The following C1GALT1 variants were observed in gnomAD, a reference collection of about 807,000 sequenced individuals.
The protein encoded by C1GALT1 is glycoprotein-N-acetylgalactosamine 3-beta-galactosyltransferase 1.
In C1GALT1, 11 loss-of-function variants were observed where a neutral mutation model predicts 31.0. The observed-to-expected ratio is 0.36, with a 90% CI of 0.22 to 0.59. The LOEUF is 0.59. C1GALT1 is among the 20% of genes least tolerant of loss of function. C1GALT1 has a pLI of 0.79. For synonymous variants in C1GALT1, 175 were observed against 143.6 expected, an observed-to-expected ratio of 1.22 and a Z score of -1.56; for missense variants, 424 against 425.2, an observed-to-expected ratio of 1.00 and a Z score of 0.03.
intron 1 of C1GALT1, among the ~76,000 whole-genome samples, chr7:7,231,997 T>C (rs2128247699): frequency 6.6e-6 from 1 of 152,350 alleles, no homozygotes; most frequent in South Asian, 2.1e-4. Context: ...GATAAGAGCA[T>C]AGGTGTTTTT....
intron 1 of C1GALT1, among the ~76,000 whole-genome samples, chr7:7,201,600 C>G (rs576702656): frequency 1.3e-5 from 2 of 152,118 alleles, no homozygotes. Flanking sequence ...ACCAGGGAAG[C>G]GGGGGAAAGC....
At chr7:7,217,386 C>T (rs1782295451) in intron 1 of C1GALT1, among the ~76,000 whole-genome samples, 1 of 151,598 alleles carries the variant, frequency 6.6e-6, no homozygotes, top group Non-Finnish European at 1.5e-5. Context: ...TTTTAAGAGA[C>T]ATGGTCTTGC....
At position 7,248,367 on chromosome 7, in the gene C1GALT1, A is replaced by G. The variant is rs1783930470; in HGVS notation, c.*4640A>G. The G allele has an allele frequency of 6.6e-6, 1 of 152,022 alleles. No homozygotes were observed. 9.4% of individuals were successfully genotyped at this position (152,022 alleles called of 1,614,324 possible). The stretch of plus-strand genomic sequence containing the variant: ...ATTAATAATCTACATGAAGTATATT[A>G]TTAGAGGGAAACTAATCTTACTGCT... On this transcript the variant is annotated 3_prime_UTR_variant, in exon 4 of 4. Transcript: ENST00000436587.
chr7:7,182,783 C>A lies in C1GALT1; in HGVS notation c.-55C>A. ...GTCCCAAGTCGTCCCCCTCTCCGCC[C>A]CCCAGGAGGGGCGAGAGGGAGCCGC... On this transcript the variant is annotated 5_prime_UTR_variant, in exon 1 of 4. Transcript: ENST00000436587. 1.0e-6 allele frequency: 1 copy of A among 985,536 alleles called. No homozygotes were observed. Among genetic ancestry groups the A allele is most frequent in the Non-Finnish European group, 1.2e-6 (1 of 830,018 alleles). The allele number at this position is 985,536 out of a possible 1,614,324, so 61.0% of individuals were successfully genotyped here.
At chr7:7,157,503 T>C (rs1025107087) in intron 2 of C1GALT1, 2 of 152,234 alleles carry the variant, frequency 1.3e-5, no homozygotes, top group African/African-American at 4.8e-5. Context: ...ATTAAGAAAC[T>C]GTACACCATA....
Position 7,197,606 on chromosome 7 carries a change from G to A in C1GALT1, c.-18+14786G>A, listed in dbSNP as rs1028779596. ...AGTCATTGGTAGCTTGATGGGGATG[G>A]CATTGAATCTATAAATTACCTTGGG... On this transcript the variant is annotated intron_variant, in intron 1 of 3. Coordinates refer to ENST00000436587, the MANE Select transcript of C1GALT1 (RefSeq NM_020156.5). 1.5e-3 allele frequency among the ~76,000 whole-genome samples: 225 copies of A among 152,050 alleles called. 6 individuals carry two copies. Among genetic ancestry groups the A allele is most frequent in the Non-Finnish European group, 4.1e-4 (28 of 68,006 alleles).
chr7:7,224,056 G>A (rs1302210591), intron 1 of C1GALT1, among the ~76,000 whole-genome samples: 1 of 152,058 alleles, frequency 6.6e-6, no homozygotes, highest in Non-Finnish European at 1.5e-5. Flanking sequence ...AGGATGAATC[G>A]TGTTGATTTT....
chr7:7,217,771 C>T lies in C1GALT1; in HGVS notation c.-17-16532C>T, dbSNP rs771501038. On this transcript the variant is annotated intron_variant, in intron 1 of 3. Transcript: ENST00000436587. Reference sequence around the variant, plus strand: ...TCATTGCAGCCTTGTCCTGAGCTCACGTGATACTCCCACCTTGGCCTCCTA... The same window carrying T: ...TCATTGCAGCCTTGTCCTGAGCTCATGTGATACTCCCACCTTGGCCTCCTA... Among the ~76,000 whole-genome samples the T allele has an allele frequency of 1.3e-4, 20 of 152,128 alleles. 1 individual carries two copies. The South Asian group carries it at 1.7e-3, about 13-fold the overall frequency.
intron 1 of C1GALT1, among the ~76,000 whole-genome samples, chr7:7,204,404 A>G (rs1781651046): frequency 6.6e-6 from 1 of 152,000 alleles, no homozygotes; most frequent in Non-Finnish European, 1.5e-5. Context: ...CTGTGAAACT[A>G]TTAGCAATGC....
chr7:7,188,693 A>G (rs1780927606), intron 1 of C1GALT1, among the ~76,000 whole-genome samples: 1 of 152,208 alleles, frequency 6.6e-6, no homozygotes, highest in Admixed American at 6.5e-5. Flanking sequence ...AGATTTTAAA[A>G]TATATACAGA....
intron 1 of C1GALT1, among the ~76,000 whole-genome samples, chr7:7,233,398 C>T (rs990330420): frequency 6.6e-6 from 1 of 152,078 alleles, no homozygotes; most frequent in African/African-American, 2.4e-5. Flanking sequence ...CCAATTCTTC[C>T]CAAGTATTCA....
At chr7:7,190,157 G>A (rs1026135255) in intron 1 of C1GALT1, among the ~76,000 whole-genome samples, 12 of 152,270 alleles carry the variant, frequency 7.9e-5, no homozygotes, top group African/African-American at 2.4e-4. Context: ...GAAGGAACCA[G>A]GGTTATTATA....
upstream of C1GALT1, among the ~76,000 whole-genome samples, chr7:7,177,548 AGC>A (rs1780517792): frequency 7.0e-6 from 1 of 142,848 alleles, no homozygotes; most frequent in Non-Finnish European, 1.6e-5. Flanking sequence ...AAGAAAAAGG[AGC>A]CAGTGATAAT....
At chr7:7,191,573 A>G (rs1280487077) in intron 1 of C1GALT1, among the ~76,000 whole-genome samples, 2 of 152,124 alleles carry the variant, frequency 1.3e-5, no homozygotes, top group Non-Finnish European at 2.9e-5. Context: ...CATAGCAGAA[A>G]TAACATTTTA....
intron 1 of C1GALT1, among the ~76,000 whole-genome samples, chr7:7,216,809 C>T (rs2881756): frequency 0.53 from 80,739 of 151,698 alleles, 22,813 homozygotes; most frequent in East Asian, 0.94. Context: ...CATAAACTTC[C>T]GTTCTCAGAA....
At chr7:7,219,573 A>C (rs1004069763) in intron 1 of C1GALT1, among the ~76,000 whole-genome samples, 3 of 152,232 alleles carry the variant, frequency 2.0e-5, no homozygotes, top group African/African-American at 7.2e-5. Context: ...AATAGATAAA[A>C]CCTACATAAA....
intron 1 of C1GALT1, among the ~76,000 whole-genome samples, chr7:7,223,783 C>G (rs1188851376): frequency 6.6e-6 from 1 of 151,944 alleles, no homozygotes; most frequent in Non-Finnish European, 1.5e-5. Context: ...ATTATACTGG[C>G]TAGAATTTCC....
At chr7:7,199,529 A>C (rs1213242108) in intron 1 of C1GALT1, among the ~76,000 whole-genome samples, 4 of 152,178 alleles carry the variant, frequency 2.6e-5, no homozygotes, top group Non-Finnish European at 5.9e-5. Context: ...TTTGGGATGG[A>C]GAGTTCTGTA....
chr7:7,173,621 G>C (rs965494070), intron 2 of C1GALT1, among the ~76,000 whole-genome samples: 6 of 152,270 alleles, frequency 3.9e-5, no homozygotes, highest in Non-Finnish European at 8.8e-5. Flanking sequence ...GTACAGACTG[G>C]ACTGGGCACA....
Sources: gnomAD v4.1 joint callset for allele counts (sites outside exome capture counted in the v4.1 genomes callset) on GRCh38, gnomAD v4.1.1 for gene constraint, MANE v1.5 for transcripts, NCBI Gene and HGNC (gene_info 2026-07-23, HGNC 2026-07-21) for gene names.